CDKN2B-AS1: variants seen among roughly 807,000 people sequenced by gnomAD.
The protein encoded by CDKN2B-AS1 is CDKN2B antisense RNA 1 (non-protein coding).
intron 4 of CDKN2B-AS1, among the ~76,000 whole-genome samples, chr9:22,111,263 G>T (rs1319377096): frequency 6.6e-6 from 1 of 152,160 alleles, no homozygotes; most frequent in African/African-American, 2.4e-5. Flanking sequence ...GTCAGAGTGA[G>T]TTGGTGGTGA....
intron 1 of CDKN2B-AS1, among the ~76,000 whole-genome samples, chr9:22,027,109 G>C (rs180792759): frequency 1.3e-5 from 2 of 151,040 alleles, no homozygotes; most frequent in African/African-American, 4.9e-5. Flanking sequence ...TTTCCGCCCT[G>C]TGAGAGTCAC....
At chr9:22,115,647 G>A (rs1387131714) in intron 4 of CDKN2B-AS1, among the ~76,000 whole-genome samples, 3 of 152,048 alleles carry the variant, frequency 2.0e-5, no homozygotes, top group East Asian at 1.9e-4. Context: ...CAAGTACATG[G>A]GGTAGCAAGG....
At chr9:22,065,072 G>T (rs1204172004) in intron 4 of CDKN2B-AS1, among the ~76,000 whole-genome samples, 2 of 152,144 alleles carry the variant, frequency 1.3e-5, no homozygotes, top group Admixed American at 6.5e-5. Context: ...ACAAAGCCAA[G>T]ATTCTATTTA....
chr9:22,011,802 G>A (rs1821521381), intron 1 of CDKN2B-AS1, among the ~76,000 whole-genome samples: 2 of 152,178 alleles, frequency 1.3e-5, no homozygotes, highest in Non-Finnish European at 2.9e-5. Context: ...TCTCTAGGGT[G>A]AAACACAATC....
chr9:22,050,133 T>C (rs915904217), intron 3 of CDKN2B-AS1, among the ~76,000 whole-genome samples: 2 of 152,244 alleles, frequency 1.3e-5, no homozygotes, highest in African/African-American at 4.8e-5. Context: ...GTATATACTG[T>C]ACACATACAT....
At chr9:22,078,119 A>G (rs1245702963) in intron 4 of CDKN2B-AS1, among the ~76,000 whole-genome samples, 1 of 152,040 alleles carries the variant, frequency 6.6e-6, no homozygotes, top group Non-Finnish European at 1.5e-5. Context: ...GTTTGTGTCT[A>G]TATTTCTTAT....
intron 1 of CDKN2B-AS1, among the ~76,000 whole-genome samples, chr9:22,040,750 C>T (rs532208003): frequency 6.6e-6 from 1 of 152,154 alleles, no homozygotes; most frequent in East Asian, 1.9e-4. Flanking sequence ...GCCACACTCA[C>T]ATGAATACAG....
At chr9:22,081,740 C>G (rs1449331328) in intron 4 of CDKN2B-AS1, among the ~76,000 whole-genome samples, 1 of 152,216 alleles carries the variant, frequency 6.6e-6, no homozygotes, top group Non-Finnish European at 1.5e-5. Context: ...ACTTTTCCCT[C>G]TGACTCAGTT....
At chr9:22,100,223 A>G (rs1333932929) in intron 4 of CDKN2B-AS1, among the ~76,000 whole-genome samples, 1 of 152,198 alleles carries the variant, frequency 6.6e-6, no homozygotes, top group Non-Finnish European at 1.5e-5. Flanking sequence ...GATTTTTAGT[A>G]GAGTCATTGA....
chr9:22,015,425 T>A (rs1242760815), intron 1 of CDKN2B-AS1, among the ~76,000 whole-genome samples: 1 of 152,176 alleles, frequency 6.6e-6, no homozygotes, highest in Non-Finnish European at 1.5e-5. Context: ...TCCAAATTCA[T>A]CCTCCCTTTT....
chr9:22,092,596 C>T (rs1013917851), intron 4 of CDKN2B-AS1: 8 of 152,148 alleles, frequency 5.3e-5, no homozygotes, highest in Non-Finnish European at 1.2e-4. Context: ...TCTAGATTTT[C>T]TAGTTTATTT....
chr9:22,090,042 T>A (rs1385663250), intron 4 of CDKN2B-AS1, among the ~76,000 whole-genome samples: 1 of 146,290 alleles, frequency 6.8e-6, no homozygotes, highest in African/African-American at 2.5e-5. Context: ...TTGTTCTCAT[T>A]GTTCAATTCC....
chr9:22,077,799 C>T (rs560008329), intron 4 of CDKN2B-AS1: 19 of 152,120 alleles, frequency 1.2e-4, no homozygotes, highest in South Asian at 8.3e-4. Context: ...ATATTTGTCT[C>T]TACTGTAATT....
At chr9:22,015,454 C>G (rs965150533) in intron 1 of CDKN2B-AS1, among the ~76,000 whole-genome samples, 3 of 152,098 alleles carry the variant, frequency 2.0e-5, no homozygotes, top group African/African-American at 7.2e-5. Context: ...TTTGGTCATT[C>G]TGAATCCTTT....
intron 4 of CDKN2B-AS1, among the ~76,000 whole-genome samples, chr9:22,087,010 C>A (rs1321609943): frequency 6.6e-6 from 1 of 152,178 alleles, no homozygotes; most frequent in African/African-American, 2.4e-5. Context: ...TACTTCCTTG[C>A]CAAGAGAACC....
intron 1 of CDKN2B-AS1, chr9:22,029,666 C>T (rs995409218): frequency 2.0e-5 from 10 of 500,248 alleles, no homozygotes; most frequent in Non-Finnish European, 3.6e-5. Context: ...GAAATGTTCT[C>T]TTCCAAATTT....
chr9:22,057,430 A>C (rs1245562984), intron 4 of CDKN2B-AS1, among the ~76,000 whole-genome samples: 1 of 152,240 alleles, frequency 6.6e-6, no homozygotes, highest in Non-Finnish European at 1.5e-5. Flanking sequence ...TTTAAGCCAA[A>C]GAATAAAGGT....
At chr9:22,100,615 G>A (rs1432147029) in intron 4 of CDKN2B-AS1, among the ~76,000 whole-genome samples, 3 of 152,058 alleles carry the variant, frequency 2.0e-5, no homozygotes, top group African/African-American at 7.2e-5. Flanking sequence ...GAATAATGCT[G>A]TTATAAACGT....
chr9:22,025,522 C>G (rs527288605), intron 1 of CDKN2B-AS1, among the ~76,000 whole-genome samples: 16 of 152,196 alleles, frequency 1.1e-4, no homozygotes, highest in Non-Finnish European at 1.6e-4. Flanking sequence ...GGAGGACCTG[C>G]TCGTTGAAGA....
Sources: gnomAD v4.1 joint callset for allele counts (sites outside exome capture counted in the v4.1 genomes callset) on GRCh38, gnomAD v4.1.1 for gene constraint, MANE v1.5 for transcripts, NCBI Gene and HGNC (gene_info 2026-07-23, HGNC 2026-07-21) for gene names.